The following SAMD12 variants were observed in gnomAD, a reference collection of about 807,000 sequenced individuals.
The protein encoded by SAMD12 is sterile alpha motif domain containing 12, also known as sterile alpha motif domain-containing protein 12.
Under a neutral mutation model 15.0 loss-of-function variants are expected in SAMD12, and 9 were observed. The observed-to-expected ratio is 0.60, with a 90% CI of 0.36 to 1.05. SAMD12 has a LOEUF of 1.05. SAMD12 is among the 50% of genes least tolerant of loss of function. SAMD12 has a pLI of 0.01. For missense variants in SAMD12, 230 were observed against 234.2 expected (o/e 0.98, Z 0.12); for synonymous variants, 86 against 90.1 (o/e 0.96, Z 0.25).
chr8:118,610,667 C>T (rs956526351), intron 1 of SAMD12, among the ~76,000 whole-genome samples: 2 of 152,186 alleles, frequency 1.3e-5, no homozygotes, highest in Admixed American at 6.5e-5. Context: ...GTGCCTTCTA[C>T]AAGCCAGATA....
chr8:118,413,261 G>C (rs1334781419), intron 3 of SAMD12, among the ~76,000 whole-genome samples: 4 of 152,152 alleles, frequency 2.6e-5, no homozygotes, highest in Non-Finnish European at 5.9e-5. Context: ...TGGAGGGTGT[G>C]TGTTATGTAC....
At chr8:118,356,466 G>GAT (rs1818230380) in intron 4 of SAMD12, among the ~76,000 whole-genome samples, 1 of 152,058 alleles carries the variant, frequency 6.6e-6, no homozygotes, top group Non-Finnish European at 1.5e-5. Flanking sequence ...AGAGACCCAT[G>GAT]ATATATATAA....
intron 2 of SAMD12, among the ~76,000 whole-genome samples, chr8:118,451,383 C>G (rs1327197431): frequency 1.3e-5 from 2 of 152,134 alleles, no homozygotes; most frequent in East Asian, 3.9e-4. Flanking sequence ...TCAGGACCAG[C>G]CACATGACTC....
At chr8:118,551,318 CA>C (rs1329474082) in intron 2 of SAMD12, among the ~76,000 whole-genome samples, 1 of 152,078 alleles carries the variant, frequency 6.6e-6, no homozygotes, top group Non-Finnish European at 1.5e-5. Flanking sequence ...GAAATTATAA[CA>C]AACTGTCTCT....
intron 4 of SAMD12, among the ~76,000 whole-genome samples, chr8:118,244,545 AT>A (rs952347240): frequency 3.9e-5 from 6 of 152,050 alleles, no homozygotes; most frequent in Admixed American, 1.3e-4. Context: ...CCTTTCTGTA[AT>A]TTTTTTTCAC....
chr8:118,522,926 A>T (rs574992667), intron 2 of SAMD12, among the ~76,000 whole-genome samples: 76 of 152,250 alleles, frequency 5.0e-4, no homozygotes, highest in African/African-American at 1.7e-3. Flanking sequence ...TTTTGTTTAG[A>T]TCTCTCTACT....
chr8:118,184,224 T>C, the SAMD12 span, among the ~76,000 whole-genome samples: 1 of 152,242 alleles, frequency 6.6e-6, no homozygotes, highest in East Asian at 1.9e-4. Flanking sequence ...AGCAGCATCA[T>C]TTAATGATTT....
At chr8:118,474,905 A>T (rs931432930) in intron 2 of SAMD12, among the ~76,000 whole-genome samples, 7 of 152,118 alleles carry the variant, frequency 4.6e-5, no homozygotes, top group African/African-American at 1.7e-4. Flanking sequence ...GTAATGAGTG[A>T]GTTCTCACTT....
chr8:118,324,083 A>C (rs1477563282), intron 4 of SAMD12, among the ~76,000 whole-genome samples: 1 of 152,170 alleles, frequency 6.6e-6, no homozygotes, highest in Non-Finnish European at 1.5e-5. Context: ...ATTCCTTCTA[A>C]CTTTTATCTA....
intron 4 of SAMD12, among the ~76,000 whole-genome samples, chr8:118,243,190 A>T (rs1812611825): frequency 6.6e-6 from 1 of 152,172 alleles, no homozygotes; most frequent in African/African-American, 2.4e-5. Flanking sequence ...AAAAATGAAA[A>T]ACGATGAGGT....
chr8:118,538,773 A>G (rs1825914433), intron 2 of SAMD12, among the ~76,000 whole-genome samples: 1 of 152,182 alleles, frequency 6.6e-6, no homozygotes, highest in South Asian at 2.1e-4. Context: ...TTGTGTGGAC[A>G]GTTGTTTAAT....
At chr8:118,248,338 G>A (rs868631207) in intron 4 of SAMD12, among the ~76,000 whole-genome samples, 13 of 152,042 alleles carry the variant, frequency 8.6e-5, no homozygotes, top group Admixed American at 6.6e-5. Flanking sequence ...CATTACACAC[G>A]GAGTCCTGTT....
chr8:118,227,365 G>A (rs1175592925), intron 4 of SAMD12, among the ~76,000 whole-genome samples: 1 of 152,130 alleles, frequency 6.6e-6, no homozygotes, highest in Non-Finnish European at 1.5e-5. Context: ...GGGCTTACTT[G>A]AGGGTGGAGG....
chr8:118,587,908 C>T (rs1449583149), intron 1 of SAMD12, among the ~76,000 whole-genome samples: 2 of 152,124 alleles, frequency 1.3e-5, no homozygotes, highest in African/African-American at 4.8e-5. Flanking sequence ...TTGTTTAGCC[C>T]TTCTTTTTAA....
chr8:118,612,412 T>G (rs1379577511), intron 1 of SAMD12, among the ~76,000 whole-genome samples: 3 of 152,238 alleles, frequency 2.0e-5, no homozygotes, highest in Non-Finnish European at 1.5e-5. Flanking sequence ...GCTTGATGTC[T>G]GTACTGAACT....
chr8:118,475,969 A>C lies in SAMD12; in HGVS notation c.193-36008T>G, dbSNP rs150600539. Among the ~76,000 whole-genome samples the C allele has an allele frequency of 7.2e-4, 110 of 152,306 alleles. 1 individual carries two copies. The highest frequency in any genetic ancestry group is 1.0e-3 in the Non-Finnish European group (68 of 68,024). On this transcript the variant is annotated intron_variant, in intron 2 of 3. Transcript: ENST00000314727. ...AGGTAGAGGCAATGTCAGGTTTGTA[A>C]ATTGCCTGTGAAAATCCTTCTCTTT...
chr8:118,303,163 G>A (rs780016623), intron 4 of SAMD12, among the ~76,000 whole-genome samples: 2 of 152,192 alleles, frequency 1.3e-5, no homozygotes, highest in Non-Finnish European at 2.9e-5. Context: ...AGCAAGAGAA[G>A]GATATGTGTG....
chr8:118,145,587 T>C, the SAMD12 span, among the ~76,000 whole-genome samples: 1 of 152,198 alleles, frequency 6.6e-6, no homozygotes, highest in Admixed American at 6.5e-5. Flanking sequence ...AGAAAGCAGA[T>C]GTAGGTGACA....
intron 2 of SAMD12, among the ~76,000 whole-genome samples, chr8:118,557,264 C>T (rs1826563134): frequency 6.6e-6 from 1 of 152,192 alleles, no homozygotes; most frequent in African/African-American, 2.4e-5. Context: ...CTTGCTCTGT[C>T]TCTCCTGCTG....
Sources: allele counts gnomAD v4.1 joint callset (sites outside exome capture counted in the v4.1 genomes callset), GRCh38; gene constraint gnomAD v4.1.1; transcripts MANE v1.5; gene names NCBI Gene and HGNC (gene_info 2026-07-23, HGNC 2026-07-21).